The following VWA8 variants were observed in gnomAD, a reference collection of about 807,000 sequenced individuals.
The protein encoded by VWA8 is von Willebrand factor A domain containing 8.
Under a neutral mutation model 241.5 loss-of-function variants are expected in VWA8, and 221 were observed. The ratio of observed to expected loss-of-function variants is 0.91; its 90% CI spans 0.82 to 1.02. The LOEUF is 1.02. Among genes scored for constraint, VWA8 ranks in the 50% least tolerant of loss-of-function variants. The pLI, the probability that VWA8 is intolerant of heterozygous loss-of-function variation, is 0.00. For synonymous variants in VWA8, 852 were observed against 827.1 expected (o/e 1.03, Z -0.52); for missense variants, 2,322 against 2,328.7 (o/e 1.00, Z 0.06).
At chr13:41,792,700 T>C (rs1869513351) in intron 17 of VWA8, among the ~76,000 whole-genome samples, 1 of 152,060 alleles carries the variant, frequency 6.6e-6, no homozygotes, top group Non-Finnish European at 1.5e-5. Flanking sequence ...GGAAACAGTT[T>C]TACAATACTA....
At chr13:41,719,427 A>G in intron 26 of VWA8, 164 bp downstream of exon 26, 1 of 1,453,850 alleles carries the variant, frequency 6.9e-7, no homozygotes, top group South Asian at 1.5e-5. Flanking sequence ...CCTATAAATA[A>G]TGCTATTTAA....
At chr13:41,906,632 TCAAA>T (rs1875733474) in intron 4 of VWA8, among the ~76,000 whole-genome samples, 1 of 152,202 alleles carries the variant, frequency 6.6e-6, no homozygotes, top group South Asian at 2.1e-4. Flanking sequence ...TTATACAATT[TCAAA>T]CAATGTTACA....
intron 25 of VWA8, 112 bp from the exon 26 acceptor site, chr13:41,719,854 C>T (rs2045371834): frequency 3.9e-6 from 4 of 1,031,178 alleles, no homozygotes; most frequent in Non-Finnish European, 4.1e-6. Flanking sequence ...CAGAAATTTA[C>T]TGGCCTTGTC....
At chr13:41,665,449 A>G (rs2044979593) in intron 37 of VWA8, among the ~76,000 whole-genome samples, 1 of 152,102 alleles carries the variant, frequency 6.6e-6, no homozygotes. Context: ...AATAAGTTGT[A>G]CTGCTTATGA....
At chr13:41,601,277 C>A (rs1467549812) in intron 40 of VWA8, among the ~76,000 whole-genome samples, 1 of 152,134 alleles carries the variant, frequency 6.6e-6, no homozygotes, top group Admixed American at 6.5e-5. Flanking sequence ...GCCTTCTCTG[C>A]CCCTCAAGCC....
At chr13:41,659,530 C>T (rs2044934169) in intron 37 of VWA8, among the ~76,000 whole-genome samples, 1 of 152,134 alleles carries the variant, frequency 6.6e-6, no homozygotes, top group Non-Finnish European at 1.5e-5. Context: ...TTTAAAACTG[C>T]TATTAGAATA....
At chr13:41,679,108 C>T (rs1439805392) in intron 35 of VWA8, among the ~76,000 whole-genome samples, 1 of 152,156 alleles carries the variant, frequency 6.6e-6, no homozygotes. Flanking sequence ...GATGGAGGCT[C>T]AGTAAATTTC....
At chr13:41,709,481 G>T (rs964083317) in intron 26 of VWA8, among the ~76,000 whole-genome samples, 6 of 152,266 alleles carry the variant, frequency 3.9e-5, no homozygotes, top group African/African-American at 1.4e-4. Context: ...TAACCATGTT[G>T]TTCTCTGATT....
chr13:41,721,423 T>C lies in VWA8; in HGVS notation c.2911A>G (p.Ile971Val), dbSNP rs548286762. Residue 971 changes from isoleucine to valine, a missense_variant, in exon 25 of 45, where the codon ATT (isoleucine) becomes GTT (valine). Physicochemically the swap from Ile to Val is conservative, Grantham distance 29. Transcript: ENST00000379310. ...TCTCTGGTAGAATAAGGATAGTTAA[T>C]AATCCCTTGGTCAGCCAAACTCCTC... ...ELRSLADQGIINYPYSTREVV... is the reference protein window; with the variant it reads ...ELRSLADQGIVNYPYSTREVV... The C allele has an allele frequency of 1.2e-6, 2 of 1,613,758 alleles. No individual in the cohort carries two copies. The highest frequency in any genetic ancestry group is 1.3e-5 in the African/African-American group (1 of 74,902).
chr13:41,845,956 C>T (rs115325809), intron 12 of VWA8, among the ~76,000 whole-genome samples: 30 of 152,270 alleles, frequency 2.0e-4, no homozygotes, highest in African/African-American at 7.2e-4. Context: ...AACAAACCTG[C>T]ACACGTACTT....
At chr13:41,829,231 T>C (rs921160020) in intron 14 of VWA8, among the ~76,000 whole-genome samples, 8 of 151,980 alleles carry the variant, frequency 5.3e-5, no homozygotes, top group East Asian at 3.9e-4. Context: ...AATTAAAAAG[T>C]CAAAAAATAA....
chr13:41,949,992 T>G lies in VWA8; in HGVS notation c.185A>C (p.Asp62Ala). The change falls in exon 2 of 45, where the codon GAT (aspartate) becomes GCT (alanine). Residue 62 changes from aspartate (D) to alanine (A), a missense_variant. Physicochemically the swap from Asp to Ala is moderately radical, Grantham distance 126. Coordinates refer to ENST00000379310, the MANE Select transcript of VWA8 (RefSeq NM_015058.2). ...ADTGDTVNIG[D>A]VSYKLKIPKN... ...AGGAATTTTCAACTTGTAGGATACA[T>G]CTCCAATATTAACTGTATCACCTAA... The G allele has an allele frequency of 6.3e-7, 1 of 1,591,586 alleles. No individual in the cohort carries two copies. Among genetic ancestry groups the G allele is most frequent in the Non-Finnish European group, 8.6e-7 (1 of 1,165,922 alleles).
chr13:41,805,570 T>C (rs1870150921), intron 17 of VWA8, among the ~76,000 whole-genome samples: 1 of 151,958 alleles, frequency 6.6e-6, no homozygotes, highest in Non-Finnish European at 1.5e-5. Flanking sequence ...TCCCAGCACT[T>C]TGGGAGGCTG....
In VWA8 at chr13:41,871,033, G is replaced by C. The variant is rs541018260; in HGVS notation, c.1081-2556C>G. Among the ~76,000 whole-genome samples, 5 of 152,182 alleles carry C rather than the reference G, an allele frequency of 3.3e-5. No individual in the cohort carries two copies. In the East Asian group the frequency reaches 9.7e-4, roughly 29 times the overall value. ...CCAACTCCATCATTTAAGTTTCTCA[G>C]TCCAAAAGCTTGAAATCACCCTTAC... On this transcript the variant is annotated intron_variant, in intron 9 of 44. Transcript: ENST00000379310.
At chr13:41,920,113 G>C (rs1367646650) in intron 2 of VWA8, among the ~76,000 whole-genome samples, 1 of 152,070 alleles carries the variant, frequency 6.6e-6, no homozygotes, top group Non-Finnish European at 1.5e-5. Context: ...GCTGCACCTG[G>C]CTGCACAGAA....
At position 41,675,300 on chromosome 13, in the gene VWA8, C is replaced by T. The variant is rs762478229; in HGVS notation, c.4328-4G>A. The T allele has an allele frequency of 9.7e-5, 156 of 1,606,780 alleles. No homozygotes were observed. Among genetic ancestry groups the T allele is most frequent in the Admixed American group, 5.2e-4 (31 of 59,248 alleles). ...GATGTTTGTGGAGGAGTAACATCTA[C>T]AAACAAGTCATGACATGAGCCAAGT... is the stretch of plus-strand genomic sequence containing the variant. On this transcript the variant is annotated splice_polypyrimidine_tract_variant and splice_region_variant and intron_variant, in intron 35 of 44. Transcript: ENST00000379310.
intron 37 of VWA8, among the ~76,000 whole-genome samples, chr13:41,623,831 T>C (rs140710856): frequency 1.6e-3 from 249 of 152,318 alleles, no homozygotes; most frequent in African/African-American, 5.7e-3. Context: ...GTTCTGAATA[T>C]ACCTGCCTAA....
At chr13:41,741,445 C>T (rs1232287033) in intron 21 of VWA8, among the ~76,000 whole-genome samples, 5 of 152,168 alleles carry the variant, frequency 3.3e-5, no homozygotes, top group Admixed American at 6.6e-5. Flanking sequence ...CAAATCTCAC[C>T]TCCTCTTAGA....
chr13:41,923,981 CACAA>C (rs1196417172), intron 2 of VWA8, among the ~76,000 whole-genome samples: 16 of 152,088 alleles, frequency 1.1e-4, no homozygotes. Flanking sequence ...CAAACACACA[CACAA>C]ACACACACAA....
Sources: gnomAD v4.1 joint callset for allele counts (sites outside exome capture counted in the v4.1 genomes callset) on GRCh38, gnomAD v4.1.1 for gene constraint, MANE v1.5 for transcripts, NCBI Gene and HGNC (gene_info 2026-07-23, HGNC 2026-07-21) for gene names.